USP32: variants seen among roughly 807,000 people sequenced by gnomAD.
USP32 encodes the protein ubiquitin carboxyl-terminal hydrolase 32.
Under a neutral mutation model 204.8 loss-of-function variants are expected in USP32, and 59 were observed. The ratio of observed to expected loss-of-function variants is 0.29; its 90% CI spans 0.23 to 0.36. USP32 has a LOEUF of 0.36. Among genes scored for constraint, USP32 ranks in the 10% least tolerant of loss-of-function variants. USP32 has a pLI of 1.00. For synonymous variants in USP32, 517 were observed against 678.4 expected (o/e 0.76, Z 3.70); for missense variants, 1,160 against 1,946.4 (o/e 0.60, Z 7.60).
At chr17:60,388,744 G>A (rs567204023) in intron 1 of USP32, among the ~76,000 whole-genome samples, 35 of 152,160 alleles carry the variant, frequency 2.3e-4, no homozygotes, top group Non-Finnish European at 5.1e-4. Context: ...GTGTTTAAAT[G>A]TACACTTTTA....
At chr17:60,218,449 G>C (rs1392893930) in intron 16 of USP32, among the ~76,000 whole-genome samples, 4 of 152,014 alleles carry the variant, frequency 2.6e-5, no homozygotes, top group African/African-American at 9.7e-5. Context: ...CTTTAATGAA[G>C]ATACAAAACT....
intron 1 of USP32, 151 bp from the exon 2 acceptor site, chr17:60,345,759 A>T (rs553222570): frequency 9.3e-6 from 9 of 964,652 alleles, no homozygotes; most frequent in African/African-American, 1.7e-5. Flanking sequence ...AGGCAGGCGG[A>T]TCACTTAAGG....
At chr17:60,286,117 AAG>A (rs2087103386) in intron 5 of USP32, among the ~76,000 whole-genome samples, 1 of 151,286 alleles carries the variant, frequency 6.6e-6, no homozygotes, top group Admixed American at 6.6e-5. Flanking sequence ...GCCCAGGCAA[AAG>A]AGTGAGACAG....
intron 5 of USP32, among the ~76,000 whole-genome samples, chr17:60,275,600 A>G (rs2086821521): frequency 6.6e-6 from 1 of 152,222 alleles, no homozygotes; most frequent in East Asian, 1.9e-4. Context: ...GCATCTAGTA[A>G]CTTTCATTTA....
At chr17:60,282,587 C>A (rs1011568414) in intron 5 of USP32, among the ~76,000 whole-genome samples, 1 of 152,144 alleles carries the variant, frequency 6.6e-6, no homozygotes, top group African/African-American at 2.4e-5. Flanking sequence ...CTCTTGACCT[C>A]GTGATCCACC....
chr17:60,267,376 C>T (rs1299516440), intron 7 of USP32, among the ~76,000 whole-genome samples: 1 of 152,074 alleles, frequency 6.6e-6, no homozygotes, highest in Non-Finnish European at 1.5e-5. Context: ...TGCACTCCAG[C>T]CCAAGCAACA....
chr17:60,250,778 C>T (rs1052051742), intron 11 of USP32, among the ~76,000 whole-genome samples: 3 of 151,696 alleles, frequency 2.0e-5, no homozygotes, highest in African/African-American at 7.3e-5. Context: ...ACAGTGAGAC[C>T]CCATCTCAAA....
At chr17:60,257,531 C>T in intron 9 of USP32, among the ~76,000 whole-genome samples, 1 of 152,162 alleles carries the variant, frequency 6.6e-6, no homozygotes, top group African/African-American at 2.4e-5. Flanking sequence ...ACTCTATCAC[C>T]CAGGCTGGAG....
At chr17:60,315,313 T>C (rs1335361058) in intron 2 of USP32, among the ~76,000 whole-genome samples, 1 of 152,106 alleles carries the variant, frequency 6.6e-6, no homozygotes, top group Non-Finnish European at 1.5e-5. Context: ...GGCAGGAGAA[T>C]GGCTTGAACC....
chr17:60,273,778 G>A (rs1485961555), intron 5 of USP32, among the ~76,000 whole-genome samples: 1 of 151,902 alleles, frequency 6.6e-6, no homozygotes, highest in Non-Finnish European at 1.5e-5. Flanking sequence ...GGCCAATATG[G>A]TGAAACCCCC....
chr17:60,235,195 C>T (rs145187514), intron 12 of USP32, among the ~76,000 whole-genome samples: 3 of 152,264 alleles, frequency 2.0e-5, no homozygotes, highest in Admixed American at 6.5e-5. Context: ...ACATTAACAA[C>T]CACTCATTCT....
intron 27 of USP32, among the ~76,000 whole-genome samples, chr17:60,193,568 C>T (rs1190758558): frequency 6.6e-6 from 1 of 152,038 alleles, no homozygotes; most frequent in East Asian, 1.9e-4. Context: ...AAGCTGTACA[C>T]CTTAGATGTA....
At chr17:60,392,605 T>A (rs893159424), upstream of USP32, 1 of 450,972 alleles carries the variant, frequency 2.2e-6, no homozygotes, top group Non-Finnish European at 4.5e-6. Flanking sequence ...AATGGGGTTC[T>A]GAGGGATGCG....
intron 11 of USP32, among the ~76,000 whole-genome samples, chr17:60,242,853 G>A (rs1453528998): frequency 1.3e-5 from 2 of 152,004 alleles, no homozygotes; most frequent in Non-Finnish European, 2.9e-5. Flanking sequence ...AAGTTGTTTA[G>A]GCTAGTCTGA....
chr17:60,249,045 T>C (rs1013740631), intron 11 of USP32: 1 of 151,596 alleles, frequency 6.6e-6, no homozygotes, highest in African/African-American at 2.5e-5. Flanking sequence ...CTGCTCAGTT[T>C]CTTCGTGTTT....
chr17:60,296,434 T>C (rs1035846188), intron 3 of USP32, among the ~76,000 whole-genome samples: 1 of 152,102 alleles, frequency 6.6e-6, no homozygotes. Context: ...TAGAACGATA[T>C]AGCTGCAGGC....
At chr17:60,285,815 G>T (rs949732683) in intron 5 of USP32, among the ~76,000 whole-genome samples, 2 of 152,090 alleles carry the variant, frequency 1.3e-5, no homozygotes, top group Non-Finnish European at 2.9e-5. Context: ...AAGAAAAAGA[G>T]AAGGCATTTT....
intron 18 of USP32, among the ~76,000 whole-genome samples, chr17:60,212,675 A>G (rs564880010): frequency 6.6e-6 from 1 of 152,066 alleles, no homozygotes; most frequent in Admixed American, 6.6e-5. Context: ...ATTAAAGTTC[A>G]GAAACAATGG....
At chr17:60,235,573 T>C (rs774925292) in intron 12 of USP32, among the ~76,000 whole-genome samples, 1 of 152,162 alleles carries the variant, frequency 6.6e-6, no homozygotes, top group East Asian at 1.9e-4. Context: ...TGGCAATGAG[T>C]GTATATATCA....
Sources: allele counts gnomAD v4.1 joint callset (sites outside exome capture counted in the v4.1 genomes callset), GRCh38; gene constraint gnomAD v4.1.1; transcripts MANE v1.5; gene names NCBI Gene and HGNC (gene_info 2026-07-23, HGNC 2026-07-21).